Variants in GDPD1 observed in about 807,000 individuals in gnomAD.
The protein encoded by GDPD1 is lysophospholipase D GDPD1.
A neutral mutation model predicts 45.1 loss-of-function variants in GDPD1; 28 were observed. That is an observed-to-expected ratio of 0.62 (90% CI 0.46 to 0.85). GDPD1 has a LOEUF of 0.85. Among genes scored for constraint, GDPD1 ranks in the 40% least tolerant of loss-of-function variants. GDPD1 has a pLI of 0.00. For synonymous variants in GDPD1, 139 were observed against 131.4 expected (o/e 1.06, Z -0.40); for missense variants, 256 against 364.8 (o/e 0.70, Z 2.43).
chr17:59,265,775 C>T (rs2047394196), intron 6 of GDPD1, among the ~76,000 whole-genome samples: 1 of 151,200 alleles, frequency 6.6e-6, no homozygotes, highest in South Asian at 2.1e-4. Context: ...GTGGCACACA[C>T]CTGTAGTCCC....
chr17:59,221,986 C>T (rs1347920136), intron 1 of GDPD1, among the ~76,000 whole-genome samples: 3 of 152,092 alleles, frequency 2.0e-5, no homozygotes, highest in African/African-American at 4.8e-5. Context: ...CTAGCCTTCC[C>T]ACTCATGAAA....
intron 2 of GDPD1, among the ~76,000 whole-genome samples, chr17:59,238,533 C>T (rs1451164780): frequency 6.6e-6 from 1 of 151,698 alleles, no homozygotes; most frequent in African/African-American, 2.4e-5. Context: ...CCTGCCTCAG[C>T]CTCCCGAGTA....
At chr17:59,237,046 T>TTTTTG (rs540491375) in intron 2 of GDPD1, among the ~76,000 whole-genome samples, 1 of 152,178 alleles carries the variant, frequency 6.6e-6, no homozygotes, top group South Asian at 2.1e-4. Flanking sequence ...AGAAGGTTTT[T>TTTTTG]TTTTGTTTTG....
In GDPD1 at chr17:59,225,580, G is replaced by A. The variant is rs184931416; in HGVS notation, c.142+4829G>A. On this transcript the variant is annotated intron_variant, in intron 1 of 9. Transcript: ENST00000284116. Reference sequence around the variant, plus strand: ...TAATTAATAAGAGGCCACCCACCGCGGCCTCCCAAAGTGCTGGGATTACAG... The same window carrying A: ...TAATTAATAAGAGGCCACCCACCGCAGCCTCCCAAAGTGCTGGGATTACAG... Among the ~76,000 whole-genome samples, 116 of 151,672 alleles carry A rather than the reference G, an allele frequency of 7.6e-4. 1 individual carries two copies. The South Asian group carries it at 0.01, about 13-fold the overall frequency.
chr17:59,257,817 AT>A lies in GDPD1; in HGVS notation c.555del (p.Ile185MetfsTer2). On this transcript the variant is annotated frameshift_variant, in exon 6 of 10. Transcript: ENST00000284116. LOFTEE classifies it high-confidence loss of function. ...LTVWGNANYE[I>X]VEKCYKENSD... ...AGTGTGGGGTAATGCCAATTATGAA[AT>A]TGTAGAAAAGTGCTACAAAGAGGTA... is the stretch of plus-strand genomic sequence containing the variant. 6.2e-7 allele frequency: 1 copy of A among 1,603,180 alleles called. No homozygotes were observed.
chr17:59,237,230 C>T (rs538467775), intron 2 of GDPD1, among the ~76,000 whole-genome samples: 1 of 151,972 alleles, frequency 6.6e-6, no homozygotes, highest in Non-Finnish European at 1.5e-5. Context: ...GAAACCCCAT[C>T]TCTAGAAAAT....
At chr17:59,221,032 G>A (rs2047000042) in intron 1 of GDPD1, among the ~76,000 whole-genome samples, 1 of 152,134 alleles carries the variant, frequency 6.6e-6, no homozygotes, top group Non-Finnish European at 1.5e-5. Flanking sequence ...ATGAAGGGTA[G>A]GTGGAGCGTT....
At chr17:59,255,949 G>T (rs920453015) in intron 4 of GDPD1, among the ~76,000 whole-genome samples, 1 of 148,496 alleles carries the variant, frequency 6.7e-6, no homozygotes, top group Non-Finnish European at 1.5e-5. Context: ...TTGCTGGAGT[G>T]TGGGAGGCCG....
At chr17:59,259,035 A>AT (rs1010462724) in intron 6 of GDPD1, among the ~76,000 whole-genome samples, 59 of 146,028 alleles carry the variant, frequency 4.0e-4, no homozygotes, top group South Asian at 3.7e-3. Flanking sequence ...ACATGTGCCT[A>AT]TTTTTTTTTT....
intron 4 of GDPD1, among the ~76,000 whole-genome samples, chr17:59,255,857 G>GTATATATATATATATACACGTATATATA (rs2047303450): frequency 4.9e-5 from 2 of 40,878 alleles, no homozygotes; most frequent in African/African-American, 2.9e-4. Flanking sequence ...ATATACACAC[G>GTATATATATATATATACACGTATATATA]TATATATATA....
At chr17:59,273,593 A>C (rs2047459283) in intron 9 of GDPD1, 58 bp from the exon 10 acceptor site, 1 of 1,026,250 alleles carries the variant, frequency 9.7e-7, no homozygotes, top group South Asian at 1.6e-5. Flanking sequence ...ATACTGTTAT[A>C]AAAATAATTT....
intron 4 of GDPD1, among the ~76,000 whole-genome samples, chr17:59,254,234 G>A (rs764781953): frequency 3.9e-5 from 6 of 151,946 alleles, no homozygotes; most frequent in Non-Finnish European, 8.8e-5. Flanking sequence ...GGTGGCAGAT[G>A]CCTGTAATCC....
intron 2 of GDPD1, among the ~76,000 whole-genome samples, chr17:59,241,582 T>G (rs1240330191): frequency 1.3e-5 from 2 of 151,728 alleles, no homozygotes; most frequent in Non-Finnish European, 2.9e-5. Flanking sequence ...CCTCCCAAAG[T>G]GCTGGGATTA....
intron 3 of GDPD1, among the ~76,000 whole-genome samples, chr17:59,247,164 C>T (rs1431676202): frequency 6.6e-6 from 1 of 152,150 alleles, no homozygotes; most frequent in Non-Finnish European, 1.5e-5. Flanking sequence ...CATACCAGCA[C>T]AGTTACCGCA....
At chr17:59,236,481 T>TTTGTTG (rs553192288) in intron 2 of GDPD1, among the ~76,000 whole-genome samples, 5 of 151,746 alleles carry the variant, frequency 3.3e-5, no homozygotes, top group Admixed American at 6.6e-5. Flanking sequence ...ACATGCTATT[T>TTTGTTG]TTGTTGTTGT....
intron 1 of GDPD1, among the ~76,000 whole-genome samples, chr17:59,228,863 G>C (rs2047067062): frequency 1.3e-5 from 2 of 150,948 alleles, no homozygotes; most frequent in Non-Finnish European, 1.5e-5. Context: ...CTGGGCAACA[G>C]AGTGAGACCC....
chr17:59,233,687 T>A (rs2047109927), intron 1 of GDPD1, among the ~76,000 whole-genome samples: 1 of 152,164 alleles, frequency 6.6e-6, no homozygotes, highest in South Asian at 2.1e-4. Context: ...TGGTATTTCG[T>A]ATTTTTTACT....
In GDPD1 at chr17:59,267,050, A is replaced by G; in HGVS notation, c.586A>G (p.Ile196Val). 6.2e-7 allele frequency: 1 copy of G among 1,608,062 alleles called. No homozygotes were observed. Among genetic ancestry groups the G allele is most frequent in the Non-Finnish European group, 8.5e-7 (1 of 1,176,964 alleles). Reference sequence around the variant, plus strand: ...TGCTTGTGTCTTTTAGAATTCAGATATTCCTATACTCTTCAGTCTACAACG... The same window carrying G: ...TGCTTGTGTCTTTTAGAATTCAGATGTTCCTATACTCTTCAGTCTACAACG... The part of the protein sequence containing the change: ...VEKCYKENSD[I>V]PILFSLQRVL... Residue 196 changes from isoleucine (I) to valine (V), a missense_variant, in exon 7 of 10, where the codon ATT becomes GTT. Coordinates refer to ENST00000284116, the MANE Select transcript of GDPD1 (RefSeq NM_182569.4).
chr17:59,268,979 G>A (rs929054665), intron 7 of GDPD1, among the ~76,000 whole-genome samples: 5 of 151,960 alleles, frequency 3.3e-5, no homozygotes, highest in African/African-American at 1.2e-4. Flanking sequence ...GACAGAGCGA[G>A]ACTCCTTCTC....
Sources: allele counts gnomAD v4.1 joint callset (sites outside exome capture counted in the v4.1 genomes callset), GRCh38; gene constraint gnomAD v4.1.1; transcripts MANE v1.5; gene names NCBI Gene and HGNC (gene_info 2026-07-23, HGNC 2026-07-21).